SND1: variants seen among roughly 807,000 people sequenced by gnomAD.
The protein encoded by SND1 is staphylococcal nuclease and tudor domain containing 1.
In SND1, 38 loss-of-function variants were observed where a neutral mutation model predicts 121.7. The observed-to-expected ratio is 0.31, with a 90% confidence interval of 0.24 to 0.41. The LOEUF is 0.41. Ranked by LOEUF, SND1 falls within the 10% of genes least tolerant of loss-of-function variation. The pLI is 1.00. For synonymous variants in SND1, 401 were observed against 447.4 expected, an observed-to-expected ratio of 0.90 and a Z score of 1.31; for missense variants, 868 against 1,184.6, an observed-to-expected ratio of 0.73 and a Z score of 3.92.
intron 16 of SND1, among the ~76,000 whole-genome samples, chr7:128,043,075 C>T (rs1341556370): frequency 6.6e-6 from 1 of 152,184 alleles, no homozygotes; most frequent in African/African-American, 2.4e-5. Context: ...GAATGGCAGG[C>T]TGGGCTTAGT....
intron 15 of SND1, among the ~76,000 whole-genome samples, chr7:127,939,542 C>T (rs183212300): frequency 4.9e-4 from 75 of 152,234 alleles, no homozygotes; most frequent in African/African-American, 1.6e-3. Context: ...TAATTATTTC[C>T]GTCAGACTGG....
intron 16 of SND1, chr7:127,999,324 C>T (rs1211829735): frequency 6.6e-6 from 1 of 151,472 alleles, no homozygotes; most frequent in African/African-American, 2.4e-5. Context: ...CTATAGTAAA[C>T]TCTTCCTTAA....
chr7:127,951,761 C>G (rs913866045), intron 15 of SND1, among the ~76,000 whole-genome samples: 5 of 152,070 alleles, frequency 3.3e-5, no homozygotes, highest in Admixed American at 6.6e-5. Flanking sequence ...GTCCCTGACC[C>G]TCTTTTATTA....
At chr7:127,806,862 G>C (rs1032594343) in intron 10 of SND1, among the ~76,000 whole-genome samples, 5 of 152,148 alleles carry the variant, frequency 3.3e-5, no homozygotes, top group African/African-American at 9.7e-5. Flanking sequence ...TGGAGGCTGA[G>C]GCACAAGAGT....
At chr7:127,948,853 T>C (rs1190006106) in intron 15 of SND1, among the ~76,000 whole-genome samples, 1 of 152,260 alleles carries the variant, frequency 6.6e-6, no homozygotes, top group African/African-American at 2.4e-5. Context: ...GGATTATAGA[T>C]TCATGGTGCT....
chr7:128,042,413 A>G (rs1792871840), intron 16 of SND1: 2 of 152,264 alleles, frequency 1.3e-5, no homozygotes, highest in Admixed American at 1.3e-4. Context: ...AGCCTCCATG[A>G]GCCAGTCAGC....
chr7:127,995,877 T>C (rs1802639391), intron 16 of SND1, among the ~76,000 whole-genome samples: 1 of 152,226 alleles, frequency 6.6e-6, no homozygotes, highest in African/African-American at 2.4e-5. Context: ...GGGCAATGTA[T>C]GTGGGTTTGG....
intron 14 of SND1, among the ~76,000 whole-genome samples, chr7:127,928,930 C>T (rs62481450): frequency 0.28 from 43,093 of 152,076 alleles, 7,651 homozygotes; most frequent in East Asian, 0.7. Context: ...TCTTCTTGCC[C>T]CAGAGAACTC....
chr7:128,047,325 C>T (rs528689392), intron 16 of SND1, among the ~76,000 whole-genome samples: 2 of 152,342 alleles, frequency 1.3e-5, no homozygotes, highest in South Asian at 2.1e-4. Context: ...CTCAGTGGTC[C>T]CTTCCCTGCT....
chr7:127,816,041 A>G (rs1313258255), intron 11 of SND1, among the ~76,000 whole-genome samples: 1 of 152,160 alleles, frequency 6.6e-6, no homozygotes, highest in African/African-American at 2.4e-5. Context: ...GTGTGGAGGA[A>G]TTGATACACC....
chr7:127,754,862 G>T (rs941745125), intron 10 of SND1, among the ~76,000 whole-genome samples: 16 of 152,292 alleles, frequency 1.1e-4, no homozygotes, highest in Middle Eastern at 3.4e-3. Context: ...TATTTCAGTG[G>T]TCTGATTTTC....
chr7:127,653,538 G>A lies in SND1; in HGVS notation c.78+1087G>A, dbSNP rs73450912. ...AAAAATTCTATTTTAGGCCTGGTGC[G>A]GTGGCTCATGGTGGTAATCCCAGCA... On this transcript the variant is annotated intron_variant, in intron 1 of 23. Transcript: ENST00000354725. 1.4e-3 allele frequency among the ~76,000 whole-genome samples: 216 copies of A among 152,220 alleles called. 1 individual carries two copies. The highest frequency in any genetic ancestry group is 4.2e-3 in the African/African-American group (176 of 41,512).
At position 127,702,488 on chromosome 7, in the gene SND1, G is replaced by A; in HGVS notation, c.643G>A (p.Asp215Asn). The A allele has an allele frequency of 6.2e-7, 1 of 1,614,120 alleles. No homozygotes were observed. Among genetic ancestry groups the A allele is most frequent in the Non-Finnish European group, 8.5e-7 (1 of 1,179,972 alleles). ...GSVVRALLLP[D>N]YYLVTVMLSG... is the part of the protein sequence containing the mutation. ...TGTGGTCAGGGCCCTGCTCCTCCCAGATTACTACCTGGTTACAGTCATGCT... is the reference window on the plus strand; with the variant it reads ...TGTGGTCAGGGCCCTGCTCCTCCCAAATTACTACCTGGTTACAGTCATGCT... Residue 215 changes from aspartate to asparagine, a missense_variant, in exon 6 of 24, where the codon GAT (aspartate) becomes AAT (asparagine). Transcript: ENST00000354725.
chr7:127,887,998 T>A lies in SND1; in HGVS notation c.1440T>A (p.Leu480=). The change falls in exon 13 of 24, where the codon CTT becomes CTA. Residue 480 remains leucine (L), a synonymous_variant. Coordinates refer to ENST00000354725, the MANE Select transcript of SND1 (RefSeq NM_014390.4). ...DQRSSHYDEL[L]AAEARAIKNG... Reference sequence around the variant, plus strand: ...GATCATCACACTACGATGAACTGCTTGCTGCAGAGGCCAGGTAAGACCAAA... The same window carrying A: ...GATCATCACACTACGATGAACTGCTAGCTGCAGAGGCCAGGTAAGACCAAA... 1 of 1,611,102 alleles carries A rather than the reference T, an allele frequency of 6.2e-7. No individual in the cohort carries two copies. Among genetic ancestry groups the A allele is most frequent in the South Asian group, 1.1e-5 (1 of 90,992 alleles).
chr7:127,828,633 T>C (rs143622175), intron 11 of SND1, among the ~76,000 whole-genome samples: 17 of 152,338 alleles, frequency 1.1e-4, no homozygotes, highest in African/African-American at 4.1e-4. Context: ...TTCTTTCTTG[T>C]AGAGTTGTCT....
intron 15 of SND1, among the ~76,000 whole-genome samples, chr7:127,981,380 A>G (rs1008210634): frequency 2.0e-5 from 3 of 152,194 alleles, no homozygotes; most frequent in Admixed American, 1.3e-4. Context: ...GCAATCCCCA[A>G]AAATGAACAT....
intron 9 of SND1, among the ~76,000 whole-genome samples, chr7:127,720,278 C>T (rs1400219371): frequency 6.6e-6 from 1 of 152,158 alleles, no homozygotes; most frequent in Non-Finnish European, 1.5e-5. Flanking sequence ...TAAGTTTGTT[C>T]AGTCTGGTAG....
At chr7:127,782,433 T>C (rs892943424) in intron 10 of SND1, among the ~76,000 whole-genome samples, 2 of 152,210 alleles carry the variant, frequency 1.3e-5, no homozygotes, top group African/African-American at 4.8e-5. Context: ...AGGAATGTAT[T>C]TCTTTTCATG....
intron 3 of SND1, among the ~76,000 whole-genome samples, chr7:127,697,485 A>G (rs896049039): frequency 6.6e-6 from 1 of 152,110 alleles, no homozygotes; most frequent in Non-Finnish European, 1.5e-5. Flanking sequence ...CCACCCCCAG[A>G]TCTCCTGGCA....
Sources: gnomAD v4.1 joint callset for allele counts (sites outside exome capture counted in the v4.1 genomes callset) on GRCh38, gnomAD v4.1.1 for gene constraint, MANE v1.5 for transcripts, NCBI Gene and HGNC (gene_info 2026-07-23, HGNC 2026-07-21) for gene names.